The following SPATA13 variants were observed in gnomAD, a reference collection of about 807,000 sequenced individuals.
SPATA13 encodes spermatogenesis associated 13, also known as spermatogenesis-associated protein 13.
In SPATA13, 50 loss-of-function variants were observed where a neutral mutation model predicts 104.0. That is an observed-to-expected ratio of 0.48 (90% CI 0.38 to 0.61). The LOEUF is 0.61. SPATA13 is among the 20% of genes least tolerant of loss of function. The pLI, the probability that SPATA13 is intolerant of heterozygous loss-of-function variation, is 0.00. For synonymous variants in SPATA13, 606 were observed against 667.5 expected (o/e 0.91, Z 1.42); for missense variants, 1,524 against 1,690.6 (o/e 0.90, Z 1.73).
In SPATA13 at chr13:24,199,349, T is replaced by C. The variant is rs143174799; in HGVS notation, c.-111-23470T>C. On this transcript the variant is annotated intron_variant, in intron 1 of 12. Transcript: ENST00000382108. ...GCCTGTTCTCTGTAAACAGCTTTGA[T>C]TGTTAGGGAATCTGTCACAGAATGA... 1.3e-3 allele frequency among the ~76,000 whole-genome samples: 201 copies of C among 152,312 alleles called. 1 individual carries two copies. Among genetic ancestry groups the C allele is most frequent in the African/African-American group, 4.7e-3 (196 of 41,554 alleles).
At chr13:24,064,723 C>T (rs1230314239) in intron 3 of SPATA13, among the ~76,000 whole-genome samples, 1 of 152,138 alleles carries the variant, frequency 6.6e-6, no homozygotes, top group Non-Finnish European at 1.5e-5. Context: ...TTTGTTACAG[C>T]AGCCAAACTA....
intron 2 of SPATA13, among the ~76,000 whole-genome samples, chr13:24,231,355 C>T (rs541983600): frequency 2.2e-4 from 33 of 152,196 alleles, no homozygotes; most frequent in African/African-American, 7.7e-4. Flanking sequence ...TCCTGTAATA[C>T]GTGGTCTTTT....
intron 3 of SPATA13, among the ~76,000 whole-genome samples, chr13:24,065,266 T>G (rs1878911890): frequency 6.6e-6 from 1 of 152,116 alleles, no homozygotes. Flanking sequence ...AGGTGATTCT[T>G]AAACTTCCCC....
chr13:24,096,963 CT>C (rs1384211734), intron 3 of SPATA13, among the ~76,000 whole-genome samples: 5 of 152,202 alleles, frequency 3.3e-5, no homozygotes, highest in Admixed American at 3.3e-4. Flanking sequence ...TAAAAGATCA[CT>C]CAGGCCCCTT....
At chr13:24,054,792 A>G (rs1878481114) in intron 3 of SPATA13, among the ~76,000 whole-genome samples, 1 of 152,236 alleles carries the variant, frequency 6.6e-6, no homozygotes, top group African/African-American at 2.4e-5. Flanking sequence ...AAAATGGAGA[A>G]TATTCATTTT....
chr13:24,018,587 A>G (rs145954598), intron 3 of SPATA13, among the ~76,000 whole-genome samples: 1 of 152,360 alleles, frequency 6.6e-6, no homozygotes, highest in East Asian at 1.9e-4. Flanking sequence ...TCTACGCATT[A>G]ATAGCCAATG....
chr13:24,008,209 C>T (rs1483722581), intron 2 of SPATA13, among the ~76,000 whole-genome samples: 1 of 152,174 alleles, frequency 6.6e-6, no homozygotes, highest in Non-Finnish European at 1.5e-5. Flanking sequence ...ATTTCAGTCA[C>T]CTAAAGCTCT....
At chr13:24,178,851 A>C (rs763509923) in intron 1 of SPATA13, among the ~76,000 whole-genome samples, 1 of 152,198 alleles carries the variant, frequency 6.6e-6, no homozygotes, top group African/African-American at 2.4e-5. Context: ...CCACGGAGTC[A>C]TGCACTCATC....
chr13:24,047,689 A>G (rs1400447619), intron 3 of SPATA13, among the ~76,000 whole-genome samples: 2 of 152,176 alleles, frequency 1.3e-5, no homozygotes, highest in Non-Finnish European at 2.9e-5. Context: ...AATCCTTAGT[A>G]TTTTATCTCT....
intron 3 of SPATA13, among the ~76,000 whole-genome samples, chr13:24,027,202 T>G (rs1337192917): frequency 7.0e-6 from 1 of 142,002 alleles, no homozygotes; most frequent in Non-Finnish European, 1.5e-5. Flanking sequence ...TGGCACAATC[T>G]CAGCTCACTG....
chr13:24,212,908 C>T (rs1215583931), intron 1 of SPATA13, among the ~76,000 whole-genome samples: 1 of 152,268 alleles, frequency 6.6e-6, no homozygotes, highest in East Asian at 1.9e-4. Flanking sequence ...ACAAAACCAG[C>T]TCACCATGTG....
At chr13:24,157,132 A>G (rs1882278647), upstream of SPATA13, among the ~76,000 whole-genome samples, 1 of 152,210 alleles carries the variant, frequency 6.6e-6, no homozygotes, top group Admixed American at 6.5e-5. Context: ...GGTCTGTGGC[A>G]TCCAGACACT....
At chr13:24,084,750 T>G (rs745367782) in intron 3 of SPATA13, among the ~76,000 whole-genome samples, 4 of 152,146 alleles carry the variant, frequency 2.6e-5, no homozygotes, top group Non-Finnish European at 4.4e-5. Flanking sequence ...CGCAGTGCAG[T>G]GGCTCACATC....
At chr13:23,983,763 A>C (rs1326451335) in exon 2 of SPATA13, 2 of 327,370 alleles carry the variant, frequency 6.1e-6, no homozygotes. Flanking sequence ...TGACAAGGGA[A>C]GATGAAGCCT....
chr13:24,122,199 T>G, intron 3 of SPATA13: 1 of 1,484,810 alleles, frequency 6.7e-7, no homozygotes, highest in Non-Finnish European at 9.4e-7. Context: ...AGCATTGCTA[T>G]ATACTGTAAC....
intron 4 of SPATA13, among the ~76,000 whole-genome samples, chr13:24,273,876 G>C (rs903035875): frequency 6.6e-6 from 1 of 152,158 alleles, no homozygotes. Flanking sequence ...TTTAAATAGA[G>C]ATGGGATCTT....
chr13:24,184,960 G>A (rs892886123), intron 1 of SPATA13, among the ~76,000 whole-genome samples: 33 of 152,312 alleles, frequency 2.2e-4, no homozygotes, highest in South Asian at 1.0e-3. Context: ...CCTAGCAGCC[G>A]TATGGGTCAT....
chr13:24,244,313 A>C (rs1293954527), intron 2 of SPATA13, among the ~76,000 whole-genome samples: 1 of 152,248 alleles, frequency 6.6e-6, no homozygotes, highest in East Asian at 1.9e-4. Context: ...TCTCACAGGT[A>C]CTGGGACACT....
chr13:24,144,269 G>A (rs563047208), intron 3 of SPATA13, among the ~76,000 whole-genome samples: 9 of 152,258 alleles, frequency 5.9e-5, no homozygotes, highest in African/African-American at 1.9e-4. Context: ...CATGCCTCGT[G>A]TACGTCACAA....
Sources: allele counts gnomAD v4.1 joint callset (sites outside exome capture counted in the v4.1 genomes callset), GRCh38; gene constraint gnomAD v4.1.1; transcripts MANE v1.5; gene names NCBI Gene and HGNC (gene_info 2026-07-23, HGNC 2026-07-21).